The following KPNA6 variants were observed in gnomAD, a reference collection of about 807,000 sequenced individuals.
KPNA6 encodes importin subunit alpha-7.
KPNA6 carries 9 observed loss-of-function variants against 72.0 expected under a neutral mutation model. The observed-to-expected ratio is 0.13, with a 90% CI of 0.08 to 0.22. The LOEUF (loss-of-function observed/expected upper bound fraction) is 0.22, where lower values mean the gene tolerates loss of function less well. KPNA6 is among the 10% of genes least tolerant of loss of function. The pLI is 1.00. For missense variants in KPNA6, 374 were observed against 655.7 expected, an observed-to-expected ratio of 0.57 and a Z score of 4.69; for synonymous variants, 219 against 242.1, an observed-to-expected ratio of 0.90 and a Z score of 0.89.
At chr1:32,122,504 G>A (rs1382848751) in intron 1 of KPNA6, among the ~76,000 whole-genome samples, 1 of 152,076 alleles carries the variant, frequency 6.6e-6, no homozygotes, top group Non-Finnish European at 1.5e-5. Context: ...GAGAGGAGAG[G>A]CCTGGCACAG....
Position 32,160,612 on chromosome 1 carries a change from C to T in KPNA6, c.559-3C>T, listed in dbSNP as rs532015184. ...GGTGACAGTTTCATTATCCCCTTTT[C>T]AGGCAGTCTGGGCACTGGGAAACAT... On this transcript the variant is annotated splice_polypyrimidine_tract_variant and splice_region_variant and intron_variant, in intron 6 of 13. Transcript: ENST00000373625. 22 of 1,613,182 alleles carry T rather than the reference C, an allele frequency of 1.4e-5. No individual in the cohort carries two copies. The South Asian group carries it at 2.1e-4, about 15-fold the overall frequency.
intron 1 of KPNA6, among the ~76,000 whole-genome samples, chr1:32,114,850 C>G (rs141838400): frequency 6.6e-6 from 1 of 152,254 alleles, no homozygotes; most frequent in African/African-American, 2.4e-5. Flanking sequence ...CTTCACCTTG[C>G]ACTTTTTTGA....
chr1:32,131,582 T>A (rs947337508), intron 1 of KPNA6, among the ~76,000 whole-genome samples: 1 of 151,864 alleles, frequency 6.6e-6, no homozygotes, highest in Non-Finnish European at 1.5e-5. Flanking sequence ...TGTATGTGTA[T>A]ATATATTTAA....
chr1:32,157,052 G>A, intron 3 of KPNA6, 107 bp downstream of exon 3: 1 of 782,924 alleles, frequency 1.3e-6, no homozygotes. Context: ...ACCATGACAA[G>A]TTCTTTCCTC....
At chr1:32,154,490 G>A in intron 1 of KPNA6, 98 bp from the exon 2 acceptor site, 3 of 1,297,056 alleles carry the variant, frequency 2.3e-6, no homozygotes, top group Non-Finnish European at 3.2e-6. Flanking sequence ...ATTCCCCCCA[G>A]AGTAGGGGAG....
chr1:32,129,347 G>A (rs988655334), intron 1 of KPNA6, among the ~76,000 whole-genome samples: 1 of 151,094 alleles, frequency 6.6e-6, no homozygotes, highest in African/African-American at 2.4e-5. Context: ...TTTTTTTTTA[G>A]TAGGGGTGGG....
intron 1 of KPNA6, among the ~76,000 whole-genome samples, chr1:32,111,030 A>G (rs1046133609): frequency 2.0e-5 from 3 of 152,218 alleles, no homozygotes; most frequent in Admixed American, 6.5e-5. Context: ...CCTATTGAGT[A>G]ATAAGACTGA....
chr1:32,140,370 C>G (rs1452551855), intron 1 of KPNA6, among the ~76,000 whole-genome samples: 1 of 150,800 alleles, frequency 6.6e-6, no homozygotes, highest in South Asian at 2.1e-4. Flanking sequence ...GGCAACAGAG[C>G]GAGACTCTGT....
In KPNA6 at chr1:32,154,593, A is replaced by G. The variant is rs147022148; in HGVS notation, c.10A>G (p.Met4Val). 17 of 1,613,400 alleles carry G rather than the reference A, an allele frequency of 1.1e-5. No homozygotes were observed. In the African/African-American group the frequency reaches 2.1e-4, roughly 20 times the overall value. The change falls in exon 2 of 14, where the codon ATG (methionine) becomes GTG (valine). Residue 4 changes from methionine to valine, a missense_variant. Around this residue, in one of 3 missense-constraint regions of KPNA6, gnomAD observed 298 missense variants for 495.4 expected, o/e 0.60. Coordinates refer to ENST00000373625, the MANE Select transcript of KPNA6 (RefSeq NM_012316.5). Reference sequence around the variant, plus strand: ...GTGTGTATCTTTTCTTCTAGAGACCATGGCGAGCCCAGGGAAAGACAATTA... The same window carrying G: ...GTGTGTATCTTTTCTTCTAGAGACCGTGGCGAGCCCAGGGAAAGACAATTA... MET[M>V]ASPGKDNYRM...
intron 1 of KPNA6, among the ~76,000 whole-genome samples, chr1:32,143,916 T>C (rs1346745168): frequency 6.6e-6 from 1 of 152,248 alleles, no homozygotes; most frequent in Non-Finnish European, 1.5e-5. Context: ...TAGACCTTCA[T>C]TCCTTTTTTG....
rs1340754505 is a variant in KPNA6, at chr1:32,174,171, C to G, written c.*3277C>G. 1 of 152,218 alleles carries G rather than the reference C, an allele frequency of 6.6e-6. No homozygotes were observed. Among genetic ancestry groups the G allele is most frequent in the Admixed American group, 6.5e-5 (1 of 15,280 alleles). The allele number at this position is 152,218 out of a possible 1,614,324, so 9.4% of individuals were successfully genotyped here. A position where few individuals can be genotyped will look rare whatever the true frequency, so the allele number is the denominator to read the frequency against. ...TCAGGGAATACAAATGGCCCCCCCC[C>G]AGGGAGCAGGTGTTGGCCTCAGTTT... On this transcript the variant is annotated 3_prime_UTR_variant, in exon 14 of 14. Coordinates refer to ENST00000373625, the MANE Select transcript of KPNA6 (RefSeq NM_012316.5).
At chr1:32,120,052 A>C (rs547509367) in intron 1 of KPNA6, among the ~76,000 whole-genome samples, 1 of 151,558 alleles carries the variant, frequency 6.6e-6, no homozygotes, top group African/African-American at 2.4e-5. Flanking sequence ...TTTAAATAAT[A>C]CTTACTGCTT....
chr1:32,171,656 T>C lies in KPNA6; in HGVS notation c.*762T>C, dbSNP rs1388073994. 6.6e-6 allele frequency: 1 copy of C among 152,186 alleles called. No homozygotes were observed. Among genetic ancestry groups the C allele is most frequent in the Non-Finnish European group, 1.5e-5 (1 of 68,066 alleles). 9.4% of individuals were successfully genotyped at this position (152,186 alleles called of 1,614,324 possible). On this transcript the variant is annotated 3_prime_UTR_variant, in exon 14 of 14. Transcript: ENST00000373625. ...GGATCCTCCTCACTCTCCTGAAGTG[T>C]CTCAAGTATACCAGTGGGAGTGCAG...
intron 13 of KPNA6, among the ~76,000 whole-genome samples, 190 bp downstream of exon 13, chr1:32,170,250 G>A (rs535008496): frequency 3.4e-4 from 52 of 152,262 alleles, no homozygotes; most frequent in African/African-American, 1.2e-3. Context: ...GGTTTCACAC[G>A]TTACCATGAG....
chr1:32,158,175 A>G (rs776371514), intron 4 of KPNA6, 92 bp from the exon 5 acceptor site: 17 of 759,450 alleles, frequency 2.2e-5, no homozygotes, highest in Non-Finnish European at 3.4e-5. Context: ...AAGGGTGGTC[A>G]GAAGTGTCTA....
chr1:32,169,762 A>G (rs1642404167), intron 12 of KPNA6, 120 bp from the exon 13 acceptor site: 1 of 937,472 alleles, frequency 1.1e-6, no homozygotes, highest in Non-Finnish European at 1.6e-6. Flanking sequence ...GCTCGGCCTC[A>G]CAATTCTTAA....
chr1:32,161,734 G>A (rs1245532980), intron 7 of KPNA6, among the ~76,000 whole-genome samples: 1 of 152,126 alleles, frequency 6.6e-6, no homozygotes, highest in African/African-American at 2.4e-5. Context: ...TATTATCTAT[G>A]GTATTAACTA....
At chr1:32,134,211 TGCACCATTGC>T (rs1641694037) in intron 1 of KPNA6, among the ~76,000 whole-genome samples, 1 of 150,248 alleles carries the variant, frequency 6.7e-6, no homozygotes, top group East Asian at 2.0e-4. Context: ...GAGCCGAGAT[TGCACCATTGC>T]GCTCCAGCCT....
At chr1:32,144,951 CTTTTT>C (rs777173851) in intron 1 of KPNA6, among the ~76,000 whole-genome samples, 1 of 136,432 alleles carries the variant, frequency 7.3e-6, no homozygotes. Context: ...TGGCCTAAAA[CTTTTT>C]TTTTTTTTTT....
Sources: gnomAD v4.1 joint callset for allele counts (sites outside exome capture counted in the v4.1 genomes callset) on GRCh38, gnomAD v4.1.1 for gene constraint, gnomAD v4.1.1 regional missense constraint, MANE v1.5 for transcripts, NCBI Gene and HGNC (gene_info 2026-07-23, HGNC 2026-07-21) for gene names.